Variants in PLXNA2 observed in about 807,000 individuals in gnomAD.
PLXNA2 encodes plexin A2, also known as plexin-A2.
PLXNA2 carries 91 observed loss-of-function variants against 193.5 expected under a neutral mutation model. The observed-to-expected ratio is 0.47, with a 90% confidence interval of 0.40 to 0.56. PLXNA2 has a LOEUF of 0.56. Among genes scored for constraint, PLXNA2 ranks in the 20% least tolerant of loss-of-function variants. The pLI is 0.00. For synonymous variants in PLXNA2, 997 were observed against 1,027.3 expected (o/e 0.97, Z 0.56); for missense variants, 1,995 against 2,503.2 (o/e 0.80, Z 4.33).
intron 4 of PLXNA2, among the ~76,000 whole-genome samples, chr1:208,118,855 A>T (rs1558201646): frequency 6.6e-6 from 1 of 152,132 alleles, no homozygotes. Context: ...CGGTGGAAAA[A>T]AAGCGGAATT....
At chr1:208,190,977 C>T (rs111572456) in intron 3 of PLXNA2, among the ~76,000 whole-genome samples, 7 of 152,192 alleles carry the variant, frequency 4.6e-5, no homozygotes, top group Non-Finnish European at 1.0e-4. Context: ...TGCAGACCTG[C>T]CATCTGCTGG....
rs1667504060 is a variant in PLXNA2, at chr1:208,112,236, A to G, written c.1507-8989T>C. ...TATGAAAAGAAACTTCTGGCCCCAT[A>G]CAGTGGAATTCAACCCTTGGATGAG... On this transcript the variant is annotated intron_variant, in intron 4 of 31. Coordinates refer to ENST00000367033, the MANE Select transcript of PLXNA2 (RefSeq NM_025179.4). Among the ~76,000 whole-genome samples the G allele has an allele frequency of 2.6e-5, 4 of 152,204 alleles. No homozygotes were observed. The South Asian group carries it at 8.3e-4, about 31-fold the overall frequency.
At position 208,045,878 on chromosome 1, in the gene PLXNA2, C is replaced by A; in HGVS notation, c.3495G>T (p.Lys1165Asn). 2 of 1,614,236 alleles carry A rather than the reference C, an allele frequency of 1.2e-6. No individual in the cohort carries two copies. Among genetic ancestry groups the A allele is most frequent in the Middle Eastern group, 1.7e-4 (1 of 6,060 alleles). Reference sequence around the variant, plus strand: ...ACTGCCCTCTGGCGGGCACTCCTACCTTCAGAATGATGGGCGATCCTGGCT... The same window carrying A: ...ACTGCCCTCTGGCGGGCACTCCTACATTCAGAATGATGGGCGATCCTGGCT... ...DQKPGSPIIL[K>N]GKNLCPPASG... is the part of the protein sequence containing the mutation. Residue 1165 changes from lysine (K) to asparagine (N), a missense_variant and splice_region_variant, in exon 18 of 32, where the codon AAG becomes AAT. By Grantham distance (94) the Lys-to-Asn change is moderately conservative. Around this residue, in one of 3 missense-constraint regions of PLXNA2, gnomAD observed 1,291 missense variants for 1,673.6 expected, o/e 0.77. Coordinates refer to ENST00000367033, the MANE Select transcript of PLXNA2 (RefSeq NM_025179.4).
chr1:208,160,154 C>T (rs1669065758), intron 3 of PLXNA2, among the ~76,000 whole-genome samples: 1 of 152,234 alleles, frequency 6.6e-6, no homozygotes, highest in African/African-American at 2.4e-5. Flanking sequence ...CTCACTCCTT[C>T]TGCTACCAGA....
chr1:208,163,176 A>G (rs1283956819), intron 3 of PLXNA2, among the ~76,000 whole-genome samples: 1 of 152,130 alleles, frequency 6.6e-6, no homozygotes, highest in African/African-American at 2.4e-5. Flanking sequence ...GTGTGGCAGA[A>G]GTGGCATGGG....
intron 29 of PLXNA2, chr1:208,029,332 A>C (rs1193094): frequency 0.99 from 1,211,240 of 1,221,780 alleles, 601,064 homozygotes; most frequent in East Asian, 1. Flanking sequence ...TTTCTAAAGG[A>C]CTCTGTGCCC....
At chr1:208,145,894 A>G (rs894572951) in intron 3 of PLXNA2, among the ~76,000 whole-genome samples, 11 of 152,164 alleles carry the variant, frequency 7.2e-5, no homozygotes, top group Admixed American at 6.5e-4. Context: ...GAACTAAGCT[A>G]TCCTATTTCA....
chr1:208,112,508 A>G (rs1275615251), intron 4 of PLXNA2, among the ~76,000 whole-genome samples: 3 of 152,204 alleles, frequency 2.0e-5, no homozygotes, highest in Non-Finnish European at 2.9e-5. Context: ...ACTGACTTGC[A>G]CACAGCTGGT....
At chr1:208,040,473 C>T (rs1391852530) in intron 22 of PLXNA2, among the ~76,000 whole-genome samples, 1 of 152,150 alleles carries the variant, frequency 6.6e-6, no homozygotes, top group Non-Finnish European at 1.5e-5. Context: ...GTGTGAGTAC[C>T]CTGTTTTGCC....
chr1:208,115,708 C>T (rs1029687896), intron 4 of PLXNA2, among the ~76,000 whole-genome samples: 7 of 152,070 alleles, frequency 4.6e-5, no homozygotes, highest in African/African-American at 1.7e-4. Context: ...ACCTTGATCC[C>T]AAAGTACTCA....
At chr1:208,042,070 C>A (rs1231147358) in intron 22 of PLXNA2, 28 bp downstream of exon 22, 7 of 1,606,966 alleles carry the variant, frequency 4.4e-6, no homozygotes, top group Non-Finnish European at 5.1e-6. Flanking sequence ...CTCCTGCCAC[C>A]CTCTCCACCC....
At chr1:208,060,059 T>A (rs987399422) in intron 13 of PLXNA2, among the ~76,000 whole-genome samples, 1 of 152,164 alleles carries the variant, frequency 6.6e-6, no homozygotes. Flanking sequence ...CTTTCTCCTT[T>A]GGAGGGGTAG....
At chr1:208,157,489 A>T (rs936928145) in intron 3 of PLXNA2, among the ~76,000 whole-genome samples, 8 of 152,158 alleles carry the variant, frequency 5.3e-5, no homozygotes, top group African/African-American at 1.7e-4. Context: ...CTCTGTGCTT[A>T]TATCATTTGC....
intron 1 of PLXNA2, among the ~76,000 whole-genome samples, chr1:208,224,095 C>T (rs897885199): frequency 1.2e-4 from 18 of 152,228 alleles, no homozygotes; most frequent in Admixed American, 2.6e-4. Flanking sequence ...TGTCTAACAC[C>T]GACCTTAGAG....
intron 15 of PLXNA2, 133 bp from the exon 16 acceptor site, chr1:208,051,556 A>G: frequency 1.5e-6 from 1 of 655,874 alleles, no homozygotes; most frequent in Non-Finnish European, 2.6e-6. Context: ...TATATTCTAC[A>G]ACAATGGAAC....
At chr1:208,079,223 G>C (rs1419110387) in intron 12 of PLXNA2, 37 bp downstream of exon 12, 3 of 1,558,232 alleles carry the variant, frequency 1.9e-6, no homozygotes, top group Non-Finnish European at 2.6e-6. Flanking sequence ...TCAGCTCTTG[G>C]CCACCCCTTC....
chr1:208,176,634 CTG>C (rs1293330346), intron 3 of PLXNA2, among the ~76,000 whole-genome samples: 1 of 152,124 alleles, frequency 6.6e-6, no homozygotes, highest in Non-Finnish European at 1.5e-5. Context: ...ATATAAGTGA[CTG>C]AGGATGCAAG....
intron 20 of PLXNA2, 145 bp from the exon 21 acceptor site, chr1:208,043,348 C>T: frequency 1.5e-6 from 1 of 660,128 alleles, no homozygotes; most frequent in Non-Finnish European, 2.5e-6. Context: ...GAGGGCGGGG[C>T]TACTCCCAGC....
At chr1:208,037,236 A>C (rs1300055897) in intron 26 of PLXNA2, among the ~76,000 whole-genome samples, 1 of 152,172 alleles carries the variant, frequency 6.6e-6, no homozygotes, top group Non-Finnish European at 1.5e-5. Flanking sequence ...CAGCTTCTAA[A>C]GCCTCTTCTC....
Sources: gnomAD v4.1 joint callset for allele counts (sites outside exome capture counted in the v4.1 genomes callset) on GRCh38, gnomAD v4.1.1 for gene constraint, gnomAD v4.1.1 regional missense constraint, MANE v1.5 for transcripts, NCBI Gene and HGNC (gene_info 2026-07-23, HGNC 2026-07-21) for gene names.